BAIAP2: variants seen among roughly 807,000 people sequenced by gnomAD.
BAIAP2 encodes BAR/IMD domain containing adaptor protein 2, also known as BAR/IMD domain-containing adapter protein 2.
Under a neutral mutation model 63.0 loss-of-function variants are expected in BAIAP2, and 18 were observed. The ratio of observed to expected loss-of-function variants is 0.29; its 90% CI spans 0.20 to 0.42. The LOEUF (loss-of-function observed/expected upper bound fraction) is 0.42, where lower values mean the gene tolerates loss of function less well. Ranked by LOEUF, BAIAP2 falls within the 10% of genes least tolerant of loss-of-function variation. The probability of loss-of-function intolerance (pLI) is 1.00; values close to 1 mark genes in which losing one functional copy is unlikely to be tolerated. For missense variants in BAIAP2, 610 were observed against 734.3 expected (o/e 0.83, Z 1.96); for synonymous variants, 386 against 307.6 (o/e 1.25, Z -2.67).
At chr17:81,041,218 C>A (rs1420489571) in intron 1 of BAIAP2, among the ~76,000 whole-genome samples, 1 of 152,236 alleles carries the variant, frequency 6.6e-6, no homozygotes, top group Non-Finnish European at 1.5e-5. Flanking sequence ...GGCCAGTCCC[C>A]TGGCCATATG....
intron 13 of BAIAP2, among the ~76,000 whole-genome samples, chr17:81,111,125 G>GT (rs969237303): frequency 6.6e-6 from 1 of 152,188 alleles, no homozygotes; most frequent in Admixed American, 6.5e-5. Context: ...TCTCTACTGG[G>GT]TCCCCTCCTT....
intron 6 of BAIAP2, among the ~76,000 whole-genome samples, chr17:81,096,136 C>T (rs1272825921): frequency 6.6e-6 from 1 of 152,186 alleles, no homozygotes; most frequent in Non-Finnish European, 1.5e-5. Context: ...GAGTCCTATT[C>T]AGACAGCAAC....
At chr17:81,072,247 G>GC (rs2144834863) in intron 3 of BAIAP2, among the ~76,000 whole-genome samples, 1 of 152,342 alleles carries the variant, frequency 6.6e-6, no homozygotes, top group Admixed American at 6.5e-5. Flanking sequence ...TGGGAGACCT[G>GC]CGCAGGCCCC....
At chr17:81,071,872 C>T (rs2052729754) in intron 3 of BAIAP2, among the ~76,000 whole-genome samples, 1 of 152,256 alleles carries the variant, frequency 6.6e-6, no homozygotes, top group South Asian at 2.1e-4. Flanking sequence ...CCGGTCCCCT[C>T]CTCCAGCGTG....
At chr17:81,093,650 G>C (rs576506928) in intron 6 of BAIAP2, among the ~76,000 whole-genome samples, 1 of 152,140 alleles carries the variant, frequency 6.6e-6, no homozygotes, top group African/African-American at 2.4e-5. Context: ...GGGGGCTGGT[G>C]GGGGGCATTG....
Position 81,098,926 on chromosome 17 carries a change from C to G in BAIAP2, c.490-1002C>G, listed in dbSNP as rs551116772. 5.3e-5 allele frequency among the ~76,000 whole-genome samples: 8 copies of G among 152,300 alleles called. No homozygotes were observed. The East Asian group carries it at 1.5e-3, about 29-fold the overall frequency. Reference sequence around the variant, plus strand: ...GCACCTGCCAGGGCTGAGGGTTTTCCAAAGCTTCCGCGTTTGTCTGGGACA... The same window carrying G: ...GCACCTGCCAGGGCTGAGGGTTTTCGAAAGCTTCCGCGTTTGTCTGGGACA... On this transcript the variant is annotated intron_variant, in intron 6 of 13. Coordinates refer to ENST00000428708, the MANE Select transcript of BAIAP2 (RefSeq NM_001144888.2).
intron 11 of BAIAP2, among the ~76,000 whole-genome samples, chr17:81,106,443 G>C (rs993265927): frequency 3.3e-5 from 5 of 152,094 alleles, no homozygotes; most frequent in Admixed American, 6.6e-5. Context: ...GGTCCTCCAG[G>C]TTCTCCCAGC....
intron 7 of BAIAP2, 22 bp downstream of exon 7, chr17:81,100,102 C>A: frequency 6.3e-7 from 1 of 1,598,778 alleles, no homozygotes; most frequent in Non-Finnish European, 8.5e-7. Flanking sequence ...GGGGGCTGCG[C>A]TGTGCCGGCG....
chr17:81,042,972 C>G (rs965990468), intron 1 of BAIAP2, among the ~76,000 whole-genome samples: 1 of 152,148 alleles, frequency 6.6e-6, no homozygotes, highest in African/African-American at 2.4e-5. Flanking sequence ...CAGCCTCTGC[C>G]TCCTGGGCTC....
intron 1 of BAIAP2, chr17:81,053,443 C>G (rs2048990711): frequency 1.7e-6 from 1 of 573,794 alleles, no homozygotes; most frequent in Non-Finnish European, 3.1e-6. Context: ...TCTTCTTACC[C>G]CCTTTGCACA....
chr17:81,090,635 C>CTGG (rs2056562137), intron 6 of BAIAP2, among the ~76,000 whole-genome samples: 1 of 152,246 alleles, frequency 6.6e-6, no homozygotes, highest in South Asian at 2.1e-4. Flanking sequence ...CCCCAGTGGC[C>CTGG]TGGAAGCCCA....
chr17:81,115,862 C>T lies in BAIAP2; in HGVS notation c.*23C>T, dbSNP rs773755000. 1.9e-6 allele frequency: 3 copies of T among 1,612,594 alleles called. No individual in the cohort carries two copies. Among genetic ancestry groups the T allele is most frequent in the Admixed American group, 1.7e-5 (1 of 60,008 alleles). ...TGATGGCCACATCTGCAGTGCTGCC[C>T]ATCTGGTGGCTTCCCCCGCCCTTCC... is the stretch of plus-strand genomic sequence containing the variant. On this transcript the variant is annotated 3_prime_UTR_variant, in exon 14 of 14. Transcript: ENST00000428708.
chr17:81,098,562 A>G (rs565339941), intron 6 of BAIAP2, among the ~76,000 whole-genome samples: 11 of 152,148 alleles, frequency 7.2e-5, no homozygotes, highest in African/African-American at 2.7e-4. Context: ...AGAACTTTCC[A>G]TCTTCCCAAA....
chr17:81,103,530 C>A lies in BAIAP2; in HGVS notation c.671C>A (p.Pro224Gln). 3 of 1,589,626 alleles carry A rather than the reference C, an allele frequency of 1.9e-6. No homozygotes were observed. The highest frequency in any genetic ancestry group is 2.3e-5 in the East Asian group (1 of 44,170). ...AAGGAGCTGCTGGCGCAGAAGCTGC[C>A]GCTGTGGCAACAGGCCTGTGCCGAC... ...KGKELLAQKLPLWQQACADPS... is the reference protein window; with the variant it reads ...KGKELLAQKLQLWQQACADPS... Residue 224 changes from proline to glutamine, a missense_variant, in exon 8 of 14, where the codon CCG becomes CAG. This residue lies in a region of BAIAP2 where 389 missense variants were observed against 455.6 expected (regional missense o/e 0.85). Coordinates refer to ENST00000428708, the MANE Select transcript of BAIAP2 (RefSeq NM_001144888.2).
chr17:81,115,683 G>GA, intron 13 of BAIAP2, 87 bp from the exon 14 acceptor site: 2 of 1,504,462 alleles, frequency 1.3e-6, no homozygotes, highest in Non-Finnish European at 1.8e-6. Flanking sequence ...CAGCACTGGG[G>GA]AATCCCTGGG....
At chr17:81,108,117 G>A in intron 12 of BAIAP2, 1 of 358,594 alleles carries the variant, frequency 2.8e-6, no homozygotes, top group South Asian at 4.2e-5. Context: ...GCCCGCCCAG[G>A]CATGGGTGAG....
In BAIAP2 at chr17:81,114,870, G is replaced by A. The variant is rs531444924; in HGVS notation, c.1536-900G>A. On this transcript the variant is annotated intron_variant, in intron 13 of 13. Coordinates refer to ENST00000428708, the MANE Select transcript of BAIAP2 (RefSeq NM_001144888.2). ...CCCGGGCTCTTGTGGACCCAGCTGT[G>A]CCAGAGGTGATTCTGCTCCAGGTAA... Among the ~76,000 whole-genome samples, 3 of 152,322 alleles carry A rather than the reference G, an allele frequency of 2.0e-5. No homozygotes were observed. The South Asian group carries it at 6.2e-4, about 32-fold the overall frequency.
chr17:81,110,119 C>T (rs543893326), intron 13 of BAIAP2: 16 of 985,460 alleles, frequency 1.6e-5, no homozygotes, highest in Middle Eastern at 1.0e-3. Context: ...TCAGCCTGCC[C>T]GCTGGTGGGA....
At position 81,116,550 on chromosome 17, in the gene BAIAP2, T is replaced by A; in HGVS notation, c.*711T>A. Reference sequence around the variant, plus strand: ...CGCTCCTGCGGCCAAAGGCCAGCTGTCAGGTGCTATGCGGGGTCACCAGCA... The same window carrying A: ...CGCTCCTGCGGCCAAAGGCCAGCTGACAGGTGCTATGCGGGGTCACCAGCA... On this transcript the variant is annotated 3_prime_UTR_variant, in exon 14 of 14. Transcript: ENST00000428708. 1 of 566,518 alleles carries A rather than the reference T, an allele frequency of 1.8e-6. No homozygotes were observed. The highest frequency in any genetic ancestry group is 3.1e-6 in the Non-Finnish European group (1 of 318,772). The allele number at this position is 566,518 out of a possible 1,614,324, so 35.1% of individuals were successfully genotyped here. A position where few individuals can be genotyped will look rare whatever the true frequency, so the allele number is the denominator to read the frequency against.
Sources: gnomAD v4.1 joint callset for allele counts (sites outside exome capture counted in the v4.1 genomes callset) on GRCh38, gnomAD v4.1.1 for gene constraint, gnomAD v4.1.1 regional missense constraint, MANE v1.5 for transcripts, NCBI Gene and HGNC (gene_info 2026-07-23, HGNC 2026-07-21) for gene names.